HELZ: variants seen among roughly 807,000 people sequenced by gnomAD.
HELZ encodes helicase with zinc finger.
HELZ carries 23 observed loss-of-function variants against 218.2 expected under a neutral mutation model. The observed-to-expected ratio is 0.11, with a 90% confidence interval of 0.08 to 0.15. The LOEUF is 0.15. Ranked by LOEUF, HELZ falls within the 10% of genes least tolerant of loss-of-function variation. The pLI, the probability that HELZ is intolerant of heterozygous loss-of-function variation, is 1.00. For synonymous variants in HELZ, 814 were observed against 829.4 expected, an observed-to-expected ratio of 0.98 and a Z score of 0.32; for missense variants, 1,813 against 2,353.7, an observed-to-expected ratio of 0.77 and a Z score of 4.75.
chr17:67,125,178 G>A (rs946189314), intron 24 of HELZ, among the ~76,000 whole-genome samples: 2 of 149,120 alleles, frequency 1.3e-5, no homozygotes, highest in Non-Finnish European at 3.0e-5. Context: ...GGCAGCTGAA[G>A]TCAGAAAGTC....
At chr17:67,137,780 C>A in intron 22 of HELZ, 151 bp downstream of exon 22, 1 of 575,610 alleles carries the variant, frequency 1.7e-6, no homozygotes, top group East Asian at 2.8e-5. Context: ...TAAATGAATT[C>A]AACCTTTAAT....
intron 18 of HELZ, 30 bp downstream of exon 18, chr17:67,151,016 C>G: frequency 6.2e-7 from 1 of 1,600,602 alleles, no homozygotes; most frequent in Non-Finnish European, 8.5e-7. Flanking sequence ...AAGCCCTAAA[C>G]TTGTGAGACT....
At chr17:67,232,052 CA>C (rs754429326) in intron 3 of HELZ, among the ~76,000 whole-genome samples, 1,939 of 42,492 alleles carry the variant, frequency 0.046, 10 homozygotes, top group African/African-American at 0.068. Flanking sequence ...GACTCCATCT[CA>C]AAAAAAAAAA....
At chr17:67,180,988 G>C (rs182539169) in intron 12 of HELZ, among the ~76,000 whole-genome samples, 63 of 151,972 alleles carry the variant, frequency 4.1e-4, no homozygotes, top group African/African-American at 1.5e-3. Context: ...AAGAGGCAGA[G>C]GATGCAGTGA....
At chr17:67,187,032 C>T (rs573173865) in intron 12 of HELZ, among the ~76,000 whole-genome samples, 1 of 152,224 alleles carries the variant, frequency 6.6e-6, no homozygotes, top group African/African-American at 2.4e-5. Flanking sequence ...TTTCTCATTA[C>T]GACGCAGAGC....
At chr17:67,190,011 T>A in intron 10 of HELZ, 146 bp downstream of exon 10, 1 of 684,494 alleles carries the variant, frequency 1.5e-6, no homozygotes, top group African/African-American at 1.8e-5. Flanking sequence ...ATGGGTCTAC[T>A]ATAGCTACTA....
intron 17 of HELZ, among the ~76,000 whole-genome samples, chr17:67,155,425 C>T (rs1000694102): frequency 2.6e-5 from 4 of 151,830 alleles, no homozygotes; most frequent in African/African-American, 7.3e-5. Flanking sequence ...GGTGTAAAGA[C>T]CTGATTAGAT....
intron 16 of HELZ, 118 bp downstream of exon 16, chr17:67,160,775 CTCTT>C (rs1368766261): frequency 2.9e-6 from 2 of 689,642 alleles, no homozygotes; most frequent in Non-Finnish European, 4.5e-6. Flanking sequence ...TTTTCCTTTT[CTCTT>C]TTTTTCATGT....
At chr17:67,135,347 A>G (rs1261007730) in intron 23 of HELZ, among the ~76,000 whole-genome samples, 2 of 152,192 alleles carry the variant, frequency 1.3e-5, no homozygotes, top group Non-Finnish European at 2.9e-5. Flanking sequence ...GCACTAAGGG[A>G]TATAAAAGTT....
intron 31 of HELZ, among the ~76,000 whole-genome samples, chr17:67,087,923 G>A (rs1224755008): frequency 6.6e-6 from 1 of 150,824 alleles, no homozygotes; most frequent in African/African-American, 2.4e-5. Flanking sequence ...GCAGTGTAGA[G>A]CAGTGGTTAG....
intron 19 of HELZ, among the ~76,000 whole-genome samples, chr17:67,149,022 C>G (rs2038594276): frequency 6.6e-6 from 1 of 152,154 alleles, no homozygotes; most frequent in Non-Finnish European, 1.5e-5. Context: ...ATGCAACCCA[C>G]TGTATCACTG....
At chr17:67,139,506 C>A (rs1296574159) in intron 21 of HELZ, among the ~76,000 whole-genome samples, 1 of 152,170 alleles carries the variant, frequency 6.6e-6, no homozygotes, top group African/African-American at 2.4e-5. Flanking sequence ...CTTTATCCTC[C>A]TGTCATGTAG....
At chr17:67,117,013 C>T (rs2037448463) in intron 27 of HELZ, among the ~76,000 whole-genome samples, 1 of 152,020 alleles carries the variant, frequency 6.6e-6, no homozygotes, top group African/African-American at 2.4e-5. Flanking sequence ...TGCACCACCA[C>T]ACCCGGCTAA....
In HELZ at chr17:67,108,087, T is replaced by G. The variant is rs576537372; in HGVS notation, c.4725-402A>C. ...TCATATGTAGCTGGAATTATAGGAA[T>G]GTAGAATTCTGTGCCACCATAAAAA... On this transcript the variant is annotated intron_variant, in intron 30 of 32. Coordinates refer to ENST00000358691, the MANE Select transcript of HELZ (RefSeq NM_014877.4). This position sits in a 1 kb window ranked among gnomAD's most constrained non-coding sequence, Gnocchi z 4.1. Among the ~76,000 whole-genome samples, 4 of 152,350 alleles carry G rather than the reference T, an allele frequency of 2.6e-5. No homozygotes were observed. In the East Asian group the frequency reaches 7.7e-4, roughly 29 times the overall value.
chr17:67,088,557 T>C (rs928143578), intron 31 of HELZ, among the ~76,000 whole-genome samples: 1 of 152,238 alleles, frequency 6.6e-6, no homozygotes, highest in Non-Finnish European at 1.5e-5. Flanking sequence ...GCTGCCCTTG[T>C]GCGGAGAGGC....
chr17:67,121,747 T>C (rs2037616692), intron 26 of HELZ, among the ~76,000 whole-genome samples: 1 of 152,214 alleles, frequency 6.6e-6, no homozygotes, highest in Admixed American at 6.5e-5. Context: ...TGGGTTTATA[T>C]ACAAGACGGA....
chr17:67,187,917 A>G (rs901291984), intron 12 of HELZ, among the ~76,000 whole-genome samples: 1 of 152,246 alleles, frequency 6.6e-6, no homozygotes, highest in African/African-American at 2.4e-5. Context: ...TACTAACATC[A>G]GCAAAGTTAA....
rs367621679 is a variant in HELZ at position 67,097,351 on chromosome 17, C to T, written c.5241+9818G>A. On this transcript the variant is annotated intron_variant, in intron 31 of 32. Transcript: ENST00000358691. The stretch of plus-strand genomic sequence containing the variant: ...TCAACATGGGGTTACCATAAACCTT[C>T]AATTTGTAAAAACTATAATATCTGT... Among the ~76,000 whole-genome samples the T allele has an allele frequency of 9.9e-5, 15 of 152,144 alleles. 1 individual carries two copies. In the East Asian group the frequency reaches 1.2e-3, roughly 12 times the overall value.
chr17:67,212,186 T>C (rs964401376), intron 5 of HELZ, among the ~76,000 whole-genome samples: 8 of 151,714 alleles, frequency 5.3e-5, no homozygotes, highest in Non-Finnish European at 1.0e-4. Flanking sequence ...CTGGGCATGA[T>C]GGCAGGTGCC....
Sources: allele counts gnomAD v4.1 joint callset (sites outside exome capture counted in the v4.1 genomes callset), GRCh38; gene constraint gnomAD v4.1.1; non-coding constraint Gnocchi (gnomAD v3.1); transcripts MANE v1.5; gene names NCBI Gene and HGNC (gene_info 2026-07-23, HGNC 2026-07-21).